The following SAMD5 variants were observed in gnomAD, a reference collection of about 807,000 sequenced individuals.
SAMD5 encodes the protein sterile alpha motif domain-containing protein 5.
SAMD5 carries 13 observed loss-of-function variants against 11.3 expected under a neutral mutation model. The ratio of observed to expected loss-of-function variants is 1.15; its 90% CI spans 0.75 to 1.83. The LOEUF (loss-of-function observed/expected upper bound fraction) is 1.83. Ranked by LOEUF, SAMD5 falls within the 40% of genes most tolerant of loss-of-function variation. The pLI, the probability that SAMD5 is intolerant of heterozygous loss-of-function variation, is 0.00. For synonymous variants in SAMD5, 129 were observed against 111.3 expected (o/e 1.16, Z -1.00); for missense variants, 255 against 239.1 (o/e 1.07, Z -0.44).
chr6:147,812,209 GT>G, the SAMD5 span, among the ~76,000 whole-genome samples: 1 of 152,146 alleles, frequency 6.6e-6, no homozygotes, highest in East Asian at 1.9e-4. Flanking sequence ...AAGAGAAGAT[GT>G]TTTGTTCTGT....
chr6:147,921,493 A>G, the SAMD5 span, among the ~76,000 whole-genome samples: 1 of 152,180 alleles, frequency 6.6e-6, no homozygotes, highest in Admixed American at 6.6e-5. Context: ...TCATGACTAC[A>G]CTAGTGTCAA....
chr6:147,559,180 A>G (rs1207797347), intron 1 of SAMD5, among the ~76,000 whole-genome samples: 2 of 152,234 alleles, frequency 1.3e-5, no homozygotes, highest in African/African-American at 4.8e-5. Context: ...CTCTGGGTGC[A>G]CTGGCGGCAG....
At chr6:147,909,633 T>TTTCC in the SAMD5 span, among the ~76,000 whole-genome samples, 1 of 31,220 alleles carries the variant, frequency 3.2e-5, no homozygotes, top group Non-Finnish European at 5.6e-5. Context: ...TCTTTCTTTC[T>TTTCC]CTTTCTTGTC....
the SAMD5 span, among the ~76,000 whole-genome samples, chr6:147,869,082 G>A: frequency 1.1e-4 from 17 of 152,256 alleles, no homozygotes; most frequent in South Asian, 2.5e-3. Flanking sequence ...AAAGGAAAAC[G>A]GATGTTCGTT....
the SAMD5 span, among the ~76,000 whole-genome samples, chr6:147,908,500 C>T: frequency 6.6e-6 from 1 of 152,154 alleles, no homozygotes; most frequent in Non-Finnish European, 1.5e-5. Context: ...AACGTGGTGC[C>T]TGCATATGAT....
the SAMD5 span, among the ~76,000 whole-genome samples, chr6:147,806,478 G>A: frequency 4.6e-5 from 7 of 152,144 alleles, no homozygotes; most frequent in Admixed American, 1.3e-4. Flanking sequence ...TTGAGTCATT[G>A]CCACGGTTTT....
chr6:147,842,976 CAGCCTCTCA>C, the SAMD5 span, among the ~76,000 whole-genome samples: 1 of 152,190 alleles, frequency 6.6e-6, no homozygotes, highest in Admixed American at 6.5e-5. Context: ...TCTCCCACCT[CAGCCTCTCA>C]AGTAGCTGGG....
chr6:147,602,804 AAT>A (rs1789643147), intron 1 of SAMD5, among the ~76,000 whole-genome samples: 1 of 152,058 alleles, frequency 6.6e-6, no homozygotes, highest in Non-Finnish European at 1.5e-5. Context: ...CACCCAATAA[AAT>A]AGAGTAGTTC....
the SAMD5 span, among the ~76,000 whole-genome samples, chr6:147,791,229 A>G: frequency 1.3e-5 from 2 of 152,144 alleles, no homozygotes; most frequent in Non-Finnish European, 2.9e-5. Context: ...CGGGAGGCAG[A>G]GGTTGCAGTG....
At chr6:147,559,126 C>T (rs1219318910) in intron 1 of SAMD5, among the ~76,000 whole-genome samples, 1 of 152,210 alleles carries the variant, frequency 6.6e-6, no homozygotes, top group East Asian at 1.9e-4. Context: ...AGGCACGGCC[C>T]TGACTCCAGG....
At chr6:147,562,544 CG>C (rs1376990128) in intron 1 of SAMD5, among the ~76,000 whole-genome samples, 3 of 152,150 alleles carry the variant, frequency 2.0e-5, no homozygotes, top group Non-Finnish European at 4.4e-5. Context: ...AAGTGTTGGC[CG>C]GGTGTGGTGG....
At chr6:147,574,072 G>T (rs1333394586), downstream of SAMD5, among the ~76,000 whole-genome samples, 1 of 151,622 alleles carries the variant, frequency 6.6e-6, no homozygotes, top group Non-Finnish European at 1.5e-5. Flanking sequence ...AGCTTGCAGT[G>T]AGCTGAGATC....
chr6:147,664,963 A>G (rs1357401947), intron 1 of SAMD5, among the ~76,000 whole-genome samples: 1 of 152,130 alleles, frequency 6.6e-6, no homozygotes, highest in Admixed American at 6.5e-5. Flanking sequence ...AAATTTACCT[A>G]GGTAGCAATT....
the SAMD5 span, among the ~76,000 whole-genome samples, chr6:147,826,841 T>C: frequency 6.6e-6 from 1 of 152,160 alleles, no homozygotes; most frequent in Non-Finnish European, 1.5e-5. Context: ...AGGACCGTGC[T>C]CTTGTTGTTG....
At chr6:147,952,159 C>T in the SAMD5 span, among the ~76,000 whole-genome samples, 1 of 152,220 alleles carries the variant, frequency 6.6e-6, no homozygotes, top group South Asian at 2.1e-4. Flanking sequence ...AATGCCAAAT[C>T]GGTGCTTGAG....
At chr6:147,871,714 T>C in the SAMD5 span, among the ~76,000 whole-genome samples, 1 of 152,174 alleles carries the variant, frequency 6.6e-6, no homozygotes, top group Non-Finnish European at 1.5e-5. Context: ...CTCCCCTTTG[T>C]CCTATTAGAG....
chr6:147,591,628 A>C (rs1408791670), intron 1 of SAMD5, among the ~76,000 whole-genome samples: 1 of 152,152 alleles, frequency 6.6e-6, no homozygotes, highest in Non-Finnish European at 1.5e-5. Flanking sequence ...TCTAGCACAA[A>C]ACCAATTCAG....
the SAMD5 span, among the ~76,000 whole-genome samples, chr6:147,745,552 T>C: frequency 6.6e-6 from 1 of 152,186 alleles, no homozygotes; most frequent in Non-Finnish European, 1.5e-5. Context: ...GGGATAGATG[T>C]ATGCATCAGA....
chr6:147,587,533 G>A (rs917297962), intron 1 of SAMD5, among the ~76,000 whole-genome samples: 2 of 151,998 alleles, frequency 1.3e-5, no homozygotes, highest in South Asian at 2.1e-4. Context: ...CACTGCTCCC[G>A]GCCCTTTTCA....
Sources: allele counts gnomAD v4.1 joint callset (sites outside exome capture counted in the v4.1 genomes callset), GRCh38; gene constraint gnomAD v4.1.1; transcripts MANE v1.5; gene names NCBI Gene and HGNC (gene_info 2026-07-23, HGNC 2026-07-21).